TRPC5: variants seen among roughly 807,000 people sequenced by gnomAD.
TRPC5 encodes the protein transient receptor potential cation channel subfamily C member 5.
TRPC5 carries 9 observed loss-of-function variants against 56.5 expected under a neutral mutation model. That is an observed-to-expected ratio of 0.16 (90% CI 0.10 to 0.28). TRPC5 has a LOEUF of 0.28. Ranked by LOEUF, TRPC5 falls within the 10% of genes least tolerant of loss-of-function variation. The pLI is 1.00. For missense variants in TRPC5, 469 were observed against 748.9 expected, an observed-to-expected ratio of 0.63 and a Z score of 4.36; for synonymous variants, 282 against 278.5, an observed-to-expected ratio of 1.01 and a Z score of -0.13.
chrX:112,037,556 A>G (rs1211700622), intron 1 of TRPC5, among the ~76,000 whole-genome samples: 2 of 111,003 alleles, frequency 1.8e-5, no homozygotes, highest in Admixed American at 9.6e-5. Flanking sequence ...GCCATCCCCT[A>G]TAGGTCCCTT....
Position 111,782,132 on chromosome X carries a change from C to T in TRPC5, c.1903G>A (p.Ala635Thr). Residue 635 changes from alanine (A) to threonine (T), a missense_variant, in exon 8 of 11, where the codon GCT becomes ACT. Coordinates refer to ENST00000262839, the MANE Select transcript of TRPC5 (RefSeq NM_012471.3). ...NNSYQLIADH[A>T]DIEWKFARTK... The stretch of plus-strand genomic sequence containing the variant: ...CTTGCAAACTTCCACTCGATATCAG[C>T]ATGATCCTATGAAAGATAATGAAGT... 8.3e-7 allele frequency: 1 copy of T among 1,202,666 alleles called. No homozygotes were observed. The highest frequency in any genetic ancestry group is 3.0e-5 in the East Asian group (1 of 33,618).
chrX:111,834,314 G>A (rs1044507028), intron 7 of TRPC5, among the ~76,000 whole-genome samples: 10 of 111,858 alleles, frequency 8.9e-5, no homozygotes, highest in South Asian at 7.6e-4. Context: ...CCACTGGCTG[G>A]GTGCAGTGGC....
At chrX:111,794,956 A>G (rs1263061551) in intron 7 of TRPC5, among the ~76,000 whole-genome samples, 3 of 111,597 alleles carry the variant, frequency 2.7e-5, no homozygotes, top group Non-Finnish European at 3.8e-5. Context: ...CCAATGATTT[A>G]TTGCTAGTAT....
intron 1 of TRPC5, among the ~76,000 whole-genome samples, chrX:112,037,383 G>A (rs1260509010): frequency 3.6e-5 from 4 of 111,748 alleles, no homozygotes; most frequent in Non-Finnish European, 7.5e-5. Flanking sequence ...ATGCACCACT[G>A]TCACCAAAGA....
intron 1 of TRPC5, among the ~76,000 whole-genome samples, chrX:112,006,184 A>T (rs1308172874): frequency 9.0e-6 from 1 of 111,110 alleles, no homozygotes; most frequent in Non-Finnish European, 1.9e-5. Context: ...ATCTCCATCC[A>T]GAGGATGGTG....
chrX:112,071,457 G>C (rs1367236553), intron 1 of TRPC5, among the ~76,000 whole-genome samples: 1 of 111,745 alleles, frequency 8.9e-6, no homozygotes, highest in African/African-American at 3.3e-5. Context: ...TGGTAGAGTT[G>C]GGATTTGAAC....
At chrX:111,989,105 C>T (rs1007961021) in intron 1 of TRPC5, among the ~76,000 whole-genome samples, 10 of 111,607 alleles carry the variant, frequency 9.0e-5, no homozygotes, top group Non-Finnish European at 1.7e-4. Context: ...GGATGCATAT[C>T]CTATACCCAT....
At chrX:111,791,348 A>C (rs943237750) in intron 7 of TRPC5, among the ~76,000 whole-genome samples, 2 of 111,788 alleles carry the variant, frequency 1.8e-5, no homozygotes, top group Non-Finnish European at 3.8e-5. Context: ...GCAAAGAAGG[A>C]GGCTATCCAT....
intron 1 of TRPC5, among the ~76,000 whole-genome samples, chrX:111,991,191 G>C (rs755441260): frequency 9.1e-6 from 1 of 110,351 alleles, no homozygotes; most frequent in Non-Finnish European, 1.9e-5. Context: ...AATTGCATTT[G>C]TTATACTCAT....
intron 3 of TRPC5, among the ~76,000 whole-genome samples, chrX:111,910,082 A>G (rs977418998): frequency 3.6e-5 from 4 of 112,565 alleles, no homozygotes; most frequent in Admixed American, 1.9e-4. Flanking sequence ...TCAATTTTAA[A>G]GAGAACGGGG....
At chrX:112,050,735 C>T (rs944845901) in intron 1 of TRPC5, among the ~76,000 whole-genome samples, 1 of 111,526 alleles carries the variant, frequency 9.0e-6, no homozygotes, top group East Asian at 2.8e-4. Flanking sequence ...AGAGAAGGAC[C>T]GAGGAAAGAG....
intron 1 of TRPC5, among the ~76,000 whole-genome samples, chrX:112,031,909 C>T (rs1263339910): frequency 9.4e-6 from 1 of 106,376 alleles, no homozygotes; most frequent in Non-Finnish European, 1.9e-5. Context: ...TTTGATATTA[C>T]ATATATATAT....
At chrX:112,081,656 G>A (rs895600020) in intron 1 of TRPC5, among the ~76,000 whole-genome samples, 2 of 111,651 alleles carry the variant, frequency 1.8e-5, no homozygotes, top group African/African-American at 6.5e-5. Context: ...GCAGCACCTT[G>A]TCCTATCAAC....
chrX:111,926,862 G>A (rs941929929), intron 2 of TRPC5, among the ~76,000 whole-genome samples: 3 of 112,287 alleles, frequency 2.7e-5, no homozygotes, highest in Non-Finnish European at 5.6e-5. Flanking sequence ...AGGTGGTCAG[G>A]TGGGATGATG....
chrX:111,896,278 C>T (rs1277157807), intron 3 of TRPC5: 1 of 106,379 alleles, frequency 9.4e-6, no homozygotes, highest in Non-Finnish European at 1.9e-5. Context: ...AGGAAAAAAG[C>T]CCCTGATTGT....
chrX:111,934,583 C>T (rs2148629586), intron 2 of TRPC5, among the ~76,000 whole-genome samples: 1 of 111,224 alleles, frequency 9.0e-6, no homozygotes, highest in South Asian at 3.8e-4. Flanking sequence ...TCTATCTTTG[C>T]ACCCATTAAG....
chrX:111,943,782 C>T (rs759426944), intron 2 of TRPC5, among the ~76,000 whole-genome samples: 27 of 111,871 alleles, frequency 2.4e-4, no homozygotes, highest in African/African-American at 6.5e-4. Flanking sequence ...TGGCAACAGA[C>T]GGGAGAGCAT....
At chrX:111,864,873 A>C (rs73639660) in intron 3 of TRPC5, among the ~76,000 whole-genome samples, 2,226 of 109,954 alleles carry the variant, frequency 0.02, 48 homozygotes, top group African/African-American at 0.074. Context: ...TTCCCTTGTA[A>C]CTTTTTAACT....
At chrX:111,989,136 T>C (rs1249684825) in intron 1 of TRPC5, among the ~76,000 whole-genome samples, 1 of 111,910 alleles carries the variant, frequency 8.9e-6, no homozygotes, top group Non-Finnish European at 1.9e-5. Flanking sequence ...GACTTTGTTC[T>C]AGCAAGCAAC....
Sources: allele counts gnomAD v4.1 joint callset (sites outside exome capture counted in the v4.1 genomes callset), GRCh38; gene constraint gnomAD v4.1.1; transcripts MANE v1.5; gene names NCBI Gene and HGNC (gene_info 2026-07-23, HGNC 2026-07-21).